SLIT2: variants seen among roughly 807,000 people sequenced by gnomAD.
The protein encoded by SLIT2 is slit guidance ligand 2.
A neutral mutation model predicts 185.7 loss-of-function variants in SLIT2; 41 were observed. That is an observed-to-expected ratio of 0.22 (90% CI 0.17 to 0.29). SLIT2 has a LOEUF of 0.29. Among genes scored for constraint, SLIT2 ranks in the 10% least tolerant of loss-of-function variants. SLIT2 has a pLI of 1.00. For missense variants in SLIT2, 1,571 were observed against 1,909.0 expected (o/e 0.82, Z 3.30); for synonymous variants, 693 against 680.2 (o/e 1.02, Z -0.29).
intron 33 of SLIT2, among the ~76,000 whole-genome samples, chr4:20,598,621 T>C (rs185631361): frequency 3.3e-5 from 5 of 152,146 alleles, no homozygotes; most frequent in Non-Finnish European, 5.9e-5. Context: ...GTGACTGGGA[T>C]AGTATAGTAA....
At chr4:20,473,343 A>T (rs1367459970) in intron 5 of SLIT2, among the ~76,000 whole-genome samples, 1 of 151,980 alleles carries the variant, frequency 6.6e-6, no homozygotes, top group African/African-American at 2.4e-5. Context: ...CCTTTTTTGT[A>T]CATGCATTAC....
At chr4:20,580,766 A>G (rs575735252) in intron 29 of SLIT2, among the ~76,000 whole-genome samples, 1 of 152,274 alleles carries the variant, frequency 6.6e-6, no homozygotes, top group South Asian at 2.1e-4. Context: ...AATCTACACT[A>G]CTGTGCTCCA....
intron 4 of SLIT2, among the ~76,000 whole-genome samples, chr4:20,344,665 G>A (rs1721237109): frequency 6.6e-6 from 1 of 152,028 alleles, no homozygotes; most frequent in Non-Finnish European, 1.5e-5. Flanking sequence ...TGATATCCTG[G>A]AATCTTTTGC....
At chr4:20,450,239 G>T (rs1425963852) in intron 4 of SLIT2, among the ~76,000 whole-genome samples, 1 of 152,146 alleles carries the variant, frequency 6.6e-6, no homozygotes, top group Admixed American at 6.5e-5. Context: ...GAACAGTGTT[G>T]CATATCCTCT....
chr4:20,463,484 T>TA (rs1713975228), intron 4 of SLIT2, among the ~76,000 whole-genome samples: 1 of 117,434 alleles, frequency 8.5e-6, no homozygotes, highest in African/African-American at 3.6e-5. Context: ...TATATATATA[T>TA]ATATATATGT....
intron 34 of SLIT2, chr4:20,615,149 A>G (rs1729554918): frequency 6.6e-6 from 1 of 152,256 alleles, no homozygotes; most frequent in African/African-American, 2.4e-5. Flanking sequence ...ATATGTGGTC[A>G]TTAAAGTCCT....
intron 16 of SLIT2, among the ~76,000 whole-genome samples, chr4:20,529,514 C>G (rs1017447258): frequency 1.3e-5 from 2 of 152,172 alleles, no homozygotes; most frequent in African/African-American, 2.4e-5. Context: ...TTCAAGGAGT[C>G]TGTCTTACCT....
chr4:20,608,112 T>C (rs946334788), intron 33 of SLIT2, among the ~76,000 whole-genome samples: 1 of 152,126 alleles, frequency 6.6e-6, no homozygotes, highest in Non-Finnish European at 1.5e-5. Flanking sequence ...GGGGGACCGA[T>C]ATGATAGTGA....
At chr4:20,390,155 T>C (rs1030175077) in intron 4 of SLIT2, among the ~76,000 whole-genome samples, 1 of 152,096 alleles carries the variant, frequency 6.6e-6, no homozygotes, top group African/African-American at 2.4e-5. Context: ...ATCACTTTTA[T>C]AGGTCAGACA....
intron 32 of SLIT2, 109 bp from the exon 33 acceptor site, chr4:20,598,156 A>T: frequency 9.9e-7 from 1 of 1,008,762 alleles, no homozygotes; most frequent in Non-Finnish European, 1.4e-6. Context: ...AGCCATCAGG[A>T]AAACATAAAC....
chr4:20,289,487 T>G (rs920623245), intron 4 of SLIT2, among the ~76,000 whole-genome samples: 2 of 152,184 alleles, frequency 1.3e-5, no homozygotes, highest in African/African-American at 4.8e-5. Context: ...ACATTATGAA[T>G]CCACATGGGT....
intron 4 of SLIT2, among the ~76,000 whole-genome samples, chr4:20,322,892 C>T (rs1433748699): frequency 3.9e-5 from 6 of 152,116 alleles, no homozygotes; most frequent in Non-Finnish European, 8.8e-5. Context: ...TTCTAACCAC[C>T]AGCTCTTAGG....
chr4:20,271,491 T>TTTTA (rs1298825744), intron 4 of SLIT2, among the ~76,000 whole-genome samples: 74 of 89,784 alleles, frequency 8.2e-4, no homozygotes, highest in Admixed American at 6.0e-4. Flanking sequence ...TATTTATATA[T>TTTTA]TATATATATA....
In SLIT2 at chr4:20,253,063, G is replaced by A. The variant is rs1413502302; in HGVS notation, c.-753G>A. On this transcript the variant is annotated 5_prime_UTR_variant, in exon 1 of 37. Transcript: ENST00000504154. ...TCGCCAAGGACGCCGAGCGGGAGGCGGGATTGCCCAGACATCCTTCAGCGA... is the reference window on the plus strand; with the variant it reads ...TCGCCAAGGACGCCGAGCGGGAGGCAGGATTGCCCAGACATCCTTCAGCGA... Among the ~76,000 whole-genome samples, 2 of 152,126 alleles carry A rather than the reference G, an allele frequency of 1.3e-5. No individual in the cohort carries two copies. The highest frequency in any genetic ancestry group is 2.9e-5 in the Non-Finnish European group (2 of 68,028).
intron 25 of SLIT2, among the ~76,000 whole-genome samples, chr4:20,552,207 C>T (rs1173848601): frequency 1.3e-5 from 2 of 152,028 alleles, no homozygotes; most frequent in Non-Finnish European, 2.9e-5. Flanking sequence ...AGGAGGTAGC[C>T]GTTCTGCTAG....
At chr4:20,402,232 C>G (rs1726417745) in intron 4 of SLIT2, among the ~76,000 whole-genome samples, 1 of 151,848 alleles carries the variant, frequency 6.6e-6, no homozygotes, top group South Asian at 2.1e-4. Flanking sequence ...ACTCAAAAGG[C>G]TCCTAAGTCT....
intron 4 of SLIT2, among the ~76,000 whole-genome samples, chr4:20,402,578 A>T (rs1340261409): frequency 2.0e-5 from 3 of 151,890 alleles, no homozygotes; most frequent in African/African-American, 7.2e-5. Context: ...GTGATAAGGG[A>T]GAAAATTTAT....
intron 9 of SLIT2, among the ~76,000 whole-genome samples, chr4:20,493,742 C>A (rs1367266614): frequency 6.6e-6 from 1 of 152,146 alleles, no homozygotes; most frequent in Non-Finnish European, 1.5e-5. Context: ...AAATAATTAA[C>A]ACACATAGAG....
At chr4:20,309,926 A>G (rs1309406335) in intron 4 of SLIT2, among the ~76,000 whole-genome samples, 1 of 151,502 alleles carries the variant, frequency 6.6e-6, no homozygotes, top group Non-Finnish European at 1.5e-5. Context: ...CGCCTGGCTA[A>G]TTTTTTGTAT....
Sources: allele counts gnomAD v4.1 joint callset (sites outside exome capture counted in the v4.1 genomes callset), GRCh38; gene constraint gnomAD v4.1.1; transcripts MANE v1.5; gene names NCBI Gene and HGNC (gene_info 2026-07-23, HGNC 2026-07-21).